Variants in TINAGL1 observed in about 807,000 individuals in gnomAD.
TINAGL1 encodes tubulointerstitial nephritis antigen-like.
Under a neutral mutation model 62.0 loss-of-function variants are expected in TINAGL1, and 34 were observed. The ratio of observed to expected loss-of-function variants is 0.55; its 90% CI spans 0.42 to 0.73. The LOEUF (loss-of-function observed/expected upper bound fraction) is 0.73, where lower values mean the gene tolerates loss of function less well. TINAGL1 is among the 30% of genes least tolerant of loss of function. TINAGL1 has a pLI of 0.00. For missense variants in TINAGL1, 516 were observed against 653.2 expected (o/e 0.79, Z 2.29); for synonymous variants, 221 against 249.7 (o/e 0.88, Z 1.08).
In TINAGL1 at chr1:31,587,098, A is replaced by C; in HGVS notation, c.*119A>C. On this transcript the variant is annotated 3_prime_UTR_variant, in exon 12 of 12. Coordinates refer to ENST00000271064, the MANE Select transcript of TINAGL1 (RefSeq NM_022164.3). ...AGAGCCCGGGGCGCAGGCGGGCGCC[A>C]GGGCGCTAATCCCGGCGCGGGTTCC... 7.6e-7 allele frequency: 1 copy of C among 1,311,962 alleles called. No homozygotes were observed. The highest frequency in any genetic ancestry group is 9.7e-7 in the Non-Finnish European group (1 of 1,032,504). The allele number at this position is 1,311,962 out of a possible 1,614,324, so 81.3% of individuals were successfully genotyped here.
chr1:31,585,609 C>G lies in TINAGL1; in HGVS notation c.1093+124C>G, dbSNP rs1204862550. On this transcript the variant is annotated intron_variant, in intron 9 of 11. Transcript: ENST00000271064. This position sits in a 1 kb window ranked among gnomAD's most constrained non-coding sequence, Gnocchi z 4.3. ...CCAGTAGGGCCAGGAGTAGGGGTCCCCCCCTCCCACAGGCAGCACCTGGAG... is the reference window on the plus strand; with the variant it reads ...CCAGTAGGGCCAGGAGTAGGGGTCCGCCCCTCCCACAGGCAGCACCTGGAG... 3 of 1,533,032 alleles carry G rather than the reference C, an allele frequency of 2.0e-6. No individual in the cohort carries two copies. The East Asian group carries it at 6.8e-5, about 35-fold the overall frequency. The allele number at this position is 1,533,032 out of a possible 1,614,324, so 95.0% of individuals were successfully genotyped here.
At chr1:31,578,720 GGTGT>G (rs34119771) in intron 2 of TINAGL1, among the ~76,000 whole-genome samples, 2 of 80,224 alleles carry the variant, frequency 2.5e-5, no homozygotes, top group Non-Finnish European at 4.5e-5. Context: ...AGTGAGAGCT[GGTGT>G]GTGTGTGTGT....
chr1:31,582,913 T>C (rs1639284755), intron 3 of TINAGL1, among the ~76,000 whole-genome samples: 1 of 151,924 alleles, frequency 6.6e-6, no homozygotes. Flanking sequence ...TGATGTTGAG[T>C]AGCCGTGAGA....
At position 31,585,478 on chromosome 1, in the gene TINAGL1, T is replaced by C; in HGVS notation, c.1086T>C (p.Pro362=). 3 of 1,614,196 alleles carry C rather than the reference T, an allele frequency of 1.9e-6. No homozygotes were observed. Among genetic ancestry groups the C allele is most frequent in the Non-Finnish European group, 2.5e-6 (3 of 1,180,020 alleles). The change falls in exon 9 of 12, where the codon CCT becomes CCC. Residue 362 remains proline (P), a synonymous_variant. Transcript: ENST00000271064. The surrounding 1 kb of genome is among the most constrained non-coding windows in gnomAD (Gnocchi z 4.3). ...TGAAGGAGCTGATGGAGAATGGCCC[T>C]GTCCAAGGTAAACCCCCTTATCCAG... ...EIMKELMENG[P]VQALMEVHED... is the part of the protein sequence containing the mutation.
rs1243094200 is a variant in TINAGL1 at position 31,577,922 on chromosome 1, A to G, written c.310+464A>G. Among the ~76,000 whole-genome samples the G allele has an allele frequency of 6.6e-6, 1 of 152,158 alleles. No individual in the cohort carries two copies. Among genetic ancestry groups the G allele is most frequent in the Non-Finnish European group, 1.5e-5 (1 of 68,034 alleles). On this transcript the variant is annotated intron_variant, in intron 2 of 11. Coordinates refer to ENST00000271064, the MANE Select transcript of TINAGL1 (RefSeq NM_022164.3). The surrounding 1 kb of genome is among the most constrained non-coding windows in gnomAD (Gnocchi z 5.4). ...CATGCACTTGCCCCTGTCCAATAGGAGAATCACTTGCGTTCCTTCCCACAG... is the reference window on the plus strand; with the variant it reads ...CATGCACTTGCCCCTGTCCAATAGGGGAATCACTTGCGTTCCTTCCCACAG...
At position 31,583,798 on chromosome 1, in the gene TINAGL1, A is replaced by C. The variant is rs568933422; in HGVS notation, c.582+223A>C. ...TCAGATTGAATTTCGTGGTCTTGGCATCAGCTCCCCCCTGATCTCTCCAGC... is the reference window on the plus strand; with the variant it reads ...TCAGATTGAATTTCGTGGTCTTGGCCTCAGCTCCCCCCTGATCTCTCCAGC... On this transcript the variant is annotated intron_variant, in intron 5 of 11. Coordinates refer to ENST00000271064, the MANE Select transcript of TINAGL1 (RefSeq NM_022164.3). This position sits in a 1 kb window ranked among gnomAD's most constrained non-coding sequence, Gnocchi z 4.4. The C allele has an allele frequency of 3.5e-6, 2 of 571,254 alleles. No homozygotes were observed. Among genetic ancestry groups the C allele is most frequent in the East Asian group, 5.9e-5 (2 of 33,884 alleles). 35.4% of individuals were successfully genotyped at this position (571,254 alleles called of 1,614,324 possible).
chr1:31,579,010 G>A lies in TINAGL1; in HGVS notation c.311-194G>A, dbSNP rs1481560092. Among the ~76,000 whole-genome samples, 271 of 148,786 alleles carry A rather than the reference G, an allele frequency of 1.8e-3. 12 individuals are homozygous for A. The highest frequency in any genetic ancestry group is 7.0e-3 in the Middle Eastern group (2 of 286). ...TTTTAGTGACAGCTGGTGTGTGTGT[G>A]TGTGTGTGTGTGTGATGTCTTCAGT... On this transcript the variant is annotated intron_variant, in intron 2 of 11. Coordinates refer to ENST00000271064, the MANE Select transcript of TINAGL1 (RefSeq NM_022164.3).
At chr1:31,586,041 C>T (rs548481850) in intron 10 of TINAGL1, 165 bp downstream of exon 10, 8 of 1,008,466 alleles carry the variant, frequency 7.9e-6, no homozygotes, top group Admixed American at 3.5e-5. Flanking sequence ...TGCCCTGGGT[C>T]GAATTGAAGG....
Position 31,577,468 on chromosome 1 carries a change from A to G in TINAGL1, c.310+10A>G. The G allele has an allele frequency of 1.3e-6, 2 of 1,599,982 alleles. No homozygotes were observed. Among genetic ancestry groups the G allele is most frequent in the Non-Finnish European group, 1.7e-6 (2 of 1,172,238 alleles). On this transcript the variant is annotated intron_variant, in intron 2 of 11. Transcript: ENST00000271064. This position sits in a 1 kb window ranked among gnomAD's most constrained non-coding sequence, Gnocchi z 5.4. ...TTTCCCCCGATCCAAGGTGGGCACTAAGATGGCCAGGAGGGTGGGTCACTT... is the reference window on the plus strand; with the variant it reads ...TTTCCCCCGATCCAAGGTGGGCACTGAGATGGCCAGGAGGGTGGGTCACTT...
chr1:31,583,611 C>T lies in TINAGL1; in HGVS notation c.582+36C>T, dbSNP rs745804775. 6 of 1,553,036 alleles carry T rather than the reference C, an allele frequency of 3.9e-6. No homozygotes were observed. The East Asian group carries it at 1.4e-4, about 36-fold the overall frequency. ...CCTTCCCCACAATGCTGCCATCTCCCCATGGCTCAGAACCTCAGGGATGCT... is the reference window on the plus strand; with the variant it reads ...CCTTCCCCACAATGCTGCCATCTCCTCATGGCTCAGAACCTCAGGGATGCT... On this transcript the variant is annotated intron_variant, in intron 5 of 11. Coordinates refer to ENST00000271064, the MANE Select transcript of TINAGL1 (RefSeq NM_022164.3). The surrounding 1 kb of genome is among the most constrained non-coding windows in gnomAD (Gnocchi z 4.4).
rs1639305299 is a variant in TINAGL1 at position 31,583,602 on chromosome 1, G to A, written c.582+27G>A. On this transcript the variant is annotated intron_variant, in intron 5 of 11. Transcript: ENST00000271064. This position sits in a 1 kb window ranked among gnomAD's most constrained non-coding sequence, Gnocchi z 4.4. ...TAAGTCCATCCTTCCCCACAATGCT[G>A]CCATCTCCCCATGGCTCAGAACCTC... 1.5e-5 allele frequency: 24 copies of A among 1,581,558 alleles called. No homozygotes were observed. The highest frequency in any genetic ancestry group is 2.1e-5 in the Non-Finnish European group (24 of 1,160,500).
rs540282223 is a variant in TINAGL1 at position 31,578,025 on chromosome 1, T to C, written c.310+567T>C. On this transcript the variant is annotated intron_variant, in intron 2 of 11. Transcript: ENST00000271064. ...TGCTGTGTTATCTTAGGACGGTTGCTTACCTTCTCTGGGCCTTGGCTTCCC... is the reference window on the plus strand; with the variant it reads ...TGCTGTGTTATCTTAGGACGGTTGCCTACCTTCTCTGGGCCTTGGCTTCCC... 4 of 314,060 alleles carry C rather than the reference T, an allele frequency of 1.3e-5. No homozygotes were observed. In the South Asian group the frequency reaches 3.7e-4, roughly 29 times the overall value. 19.5% of individuals were successfully genotyped at this position (314,060 alleles called of 1,614,324 possible).
intron 2 of TINAGL1, chr1:31,578,132 A>G: frequency 1.0e-6 from 1 of 987,040 alleles, no homozygotes; most frequent in Non-Finnish European, 1.2e-6. Flanking sequence ...CTGGCATCCA[A>G]GTAAAGTAAG....
At position 31,583,049 on chromosome 1, in the gene TINAGL1, T is replaced by A. The variant is rs1428152897; in HGVS notation, c.375-100T>A. 3 of 1,027,324 alleles carry A rather than the reference T, an allele frequency of 2.9e-6. No individual in the cohort carries two copies. The East Asian group carries it at 7.1e-5, about 24-fold the overall frequency. 63.6% of individuals were successfully genotyped at this position (1,027,324 alleles called of 1,614,324 possible). On this transcript the variant is annotated intron_variant, in intron 3 of 11. Transcript: ENST00000271064. This position sits in a 1 kb window ranked among gnomAD's most constrained non-coding sequence, Gnocchi z 4.4. ...CACCTAGAGATTCTCCCACAGTCAC[T>A]TGCACAGACTCCCTGGCCCATGTTA...
In TINAGL1 at chr1:31,583,812, G is replaced by C. The variant is rs1639312600; in HGVS notation, c.582+237G>C. 1 of 542,986 alleles carries C rather than the reference G, an allele frequency of 1.8e-6. No homozygotes were observed. Among genetic ancestry groups the C allele is most frequent in the South Asian group, 2.1e-5 (1 of 46,900 alleles). 33.6% of individuals were successfully genotyped at this position (542,986 alleles called of 1,614,324 possible). A position where few individuals can be genotyped will look rare whatever the true frequency, so the allele number is the denominator to read the frequency against. On this transcript the variant is annotated intron_variant, in intron 5 of 11. Coordinates refer to ENST00000271064, the MANE Select transcript of TINAGL1 (RefSeq NM_022164.3). The surrounding 1 kb of genome is among the most constrained non-coding windows in gnomAD (Gnocchi z 4.4). ...GTGGTCTTGGCATCAGCTCCCCCCT[G>C]ATCTCTCCAGCCTGGGAAAAATGCT...
At chr1:31,580,825 C>T in intron 3 of TINAGL1, 1 of 1,181,452 alleles carries the variant, frequency 8.5e-7, no homozygotes, top group African/African-American at 1.6e-5. Context: ...AGGCACTATG[C>T]TGAGCTCAGG....
Position 31,583,958 on chromosome 1 carries a change from A to C in TINAGL1, c.582+383A>C. 5.3e-6 allele frequency: 1 copy of C among 190,418 alleles called. No individual in the cohort carries two copies. The highest frequency in any genetic ancestry group is 1.1e-5 in the Non-Finnish European group (1 of 91,006). 11.8% of individuals were successfully genotyped at this position (190,418 alleles called of 1,614,324 possible). On this transcript the variant is annotated intron_variant, in intron 5 of 11. Coordinates refer to ENST00000271064, the MANE Select transcript of TINAGL1 (RefSeq NM_022164.3). The surrounding 1 kb of genome is among the most constrained non-coding windows in gnomAD (Gnocchi z 4.4). Reference sequence around the variant, plus strand: ...AGAGGGCAGCAGTTCTCGGAAATAAATGCCGGTTCAGCGGAACCCCAAGGG... The same window carrying C: ...AGAGGGCAGCAGTTCTCGGAAATAACTGCCGGTTCAGCGGAACCCCAAGGG...
chr1:31,585,221 A>T lies in TINAGL1; in HGVS notation c.928A>T (p.Met310Leu). The T allele has an allele frequency of 6.2e-7, 1 of 1,613,206 alleles. No homozygotes were observed. The highest frequency in any genetic ancestry group is 8.5e-7 in the Non-Finnish European group (1 of 1,179,588). Reference sequence around the variant, plus strand: ...CGAGGCTGGCCCTGCGCCCCCCTGTATGATGCACAGCCGAGCCATGGGTCG... The same window carrying T: ...CGAGGCTGGCCCTGCGCCCCCCTGTTTGATGCACAGCCGAGCCATGGGTCG... ...RDEAGPAPPC[M>L]MHSRAMGRGK... is the part of the protein sequence containing the mutation. Residue 310 changes from methionine (M) to leucine (L), a missense_variant, in exon 8 of 12, where the codon ATG becomes TTG. Coordinates refer to ENST00000271064, the MANE Select transcript of TINAGL1 (RefSeq NM_022164.3). This position sits in a 1 kb window ranked among gnomAD's most constrained non-coding sequence, Gnocchi z 4.3.
Position 31,576,741 on chromosome 1 carries a change from C to T in TINAGL1, c.-16+146C>T, listed in dbSNP as rs1196105731. ...ACACAGGAACAGAAGAGAGGTGTAC[C>T]CAAAAGACCGGGGGAGACAGGAAAG... On this transcript the variant is annotated intron_variant, in intron 1 of 11. Transcript: ENST00000271064. This position sits in a 1 kb window ranked among gnomAD's most constrained non-coding sequence, Gnocchi z 5.1. The T allele has an allele frequency of 5.5e-6, 1 of 181,068 alleles. No individual in the cohort carries two copies. Among genetic ancestry groups the T allele is most frequent in the African/African-American group, 2.4e-5 (1 of 42,288 alleles). 11.2% of individuals were successfully genotyped at this position (181,068 alleles called of 1,614,324 possible). A position where few individuals can be genotyped will look rare whatever the true frequency, so the allele number is the denominator to read the frequency against.
Sources: allele counts gnomAD v4.1 joint callset (sites outside exome capture counted in the v4.1 genomes callset), GRCh38; gene constraint gnomAD v4.1.1; non-coding constraint Gnocchi (gnomAD v3.1); transcripts MANE v1.5; gene names NCBI Gene and HGNC (gene_info 2026-07-23, HGNC 2026-07-21).